CNTN5: variants seen among roughly 807,000 people sequenced by gnomAD.
CNTN5 encodes the protein contactin-5.
In CNTN5, 77 loss-of-function variants were observed where a neutral mutation model predicts 129.1. The ratio of observed to expected loss-of-function variants is 0.60; its 90% CI spans 0.50 to 0.72. The LOEUF is 0.72. Among genes scored for constraint, CNTN5 ranks in the 30% least tolerant of loss-of-function variants. The pLI is 0.00. For missense variants in CNTN5, 1,478 were observed against 1,328.8 expected (o/e 1.11, Z -1.75); for synonymous variants, 509 against 465.6 (o/e 1.09, Z -1.20).
chr11:99,766,787 C>A (rs141529870), intron 3 of CNTN5, among the ~76,000 whole-genome samples: 12 of 151,934 alleles, frequency 7.9e-5, no homozygotes, highest in African/African-American at 2.9e-4. Flanking sequence ...TAAAAACTTG[C>A]ATTTGTTAAT....
intron 3 of CNTN5, among the ~76,000 whole-genome samples, chr11:99,731,413 ACT>A (rs1943529990): frequency 6.6e-6 from 1 of 151,968 alleles, no homozygotes; most frequent in Non-Finnish European, 1.5e-5. Context: ...TCTTTAGTTA[ACT>A]CTCTTTGTCA....
At chr11:99,297,786 A>G (rs1480534739) in intron 1 of CNTN5, among the ~76,000 whole-genome samples, 1 of 152,170 alleles carries the variant, frequency 6.6e-6, no homozygotes, top group African/African-American at 2.4e-5. Context: ...AAGGGGTAAA[A>G]CACAAAAATC....
At chr11:99,749,392 G>A (rs1387322864) in intron 3 of CNTN5, among the ~76,000 whole-genome samples, 1 of 152,150 alleles carries the variant, frequency 6.6e-6, no homozygotes, top group Non-Finnish European at 1.5e-5. Flanking sequence ...AAGGATCCTT[G>A]TAAAGATTAA....
At chr11:99,460,682 C>T (rs1393872453) in intron 2 of CNTN5, among the ~76,000 whole-genome samples, 4 of 151,710 alleles carry the variant, frequency 2.6e-5, no homozygotes, top group East Asian at 1.9e-4. Context: ...AAAAACTTTA[C>T]GAATATAAGA....
intron 10 of CNTN5, among the ~76,000 whole-genome samples, chr11:100,068,070 T>C (rs1471261889): frequency 6.6e-6 from 1 of 152,126 alleles, no homozygotes; most frequent in Non-Finnish European, 1.5e-5. Context: ...TTTGAAGTTA[T>C]TTTAAAGGCT....
chr11:99,329,487 C>T (rs559990919), intron 2 of CNTN5, among the ~76,000 whole-genome samples: 7 of 152,112 alleles, frequency 4.6e-5, no homozygotes, highest in Non-Finnish European at 7.4e-5. Context: ...AGAAATGGAA[C>T]TCTTAGTCTG....
intron 1 of CNTN5, among the ~76,000 whole-genome samples, chr11:99,106,856 A>C (rs1867021848): frequency 6.6e-6 from 1 of 152,112 alleles, no homozygotes; most frequent in Non-Finnish European, 1.5e-5. Flanking sequence ...TGTCCGCTAA[A>C]AGGTATTATT....
intron 6 of CNTN5, among the ~76,000 whole-genome samples, chr11:99,861,651 T>C (rs2135770166): frequency 6.6e-6 from 1 of 152,304 alleles, no homozygotes; most frequent in South Asian, 2.1e-4. Flanking sequence ...ATAAATATTA[T>C]CAGGTCATAC....
At chr11:99,245,455 A>T (rs964432903) in intron 1 of CNTN5, among the ~76,000 whole-genome samples, 1 of 152,100 alleles carries the variant, frequency 6.6e-6, no homozygotes, top group Non-Finnish European at 1.5e-5. Context: ...AGTAACAGGG[A>T]TTACAAGCAC....
At chr11:99,470,473 A>T (rs1490456939) in intron 2 of CNTN5, among the ~76,000 whole-genome samples, 1 of 152,196 alleles carries the variant, frequency 6.6e-6, no homozygotes, top group Non-Finnish European at 1.5e-5. Flanking sequence ...ATGAAGTGAG[A>T]GAATAAAAAT....
At chr11:100,231,643 T>C (rs1591417322) in intron 16 of CNTN5, among the ~76,000 whole-genome samples, 1 of 152,314 alleles carries the variant, frequency 6.6e-6, no homozygotes, top group South Asian at 2.1e-4. Flanking sequence ...TAATAGAGAA[T>C]GATCATGCAA....
intron 13 of CNTN5, among the ~76,000 whole-genome samples, chr11:100,144,274 T>C (rs907729350): frequency 5.9e-5 from 9 of 152,174 alleles, no homozygotes; most frequent in Non-Finnish European, 1.2e-4. Flanking sequence ...GTTATGTAGA[T>C]TTATTGTATA....
chr11:100,194,826 CT>C (rs1314799018), intron 15 of CNTN5, among the ~76,000 whole-genome samples: 2 of 150,590 alleles, frequency 1.3e-5, no homozygotes, highest in African/African-American at 4.8e-5. Context: ...GATGAGCTCT[CT>C]TTGTTGCATT....
chr11:99,751,696 A>C (rs2135221810), intron 3 of CNTN5, among the ~76,000 whole-genome samples: 1 of 152,260 alleles, frequency 6.6e-6, no homozygotes, highest in Admixed American at 6.5e-5. Context: ...TTACTGGTGT[A>C]AATATTTTTG....
chr11:99,862,464 T>C (rs1440982762), intron 6 of CNTN5, among the ~76,000 whole-genome samples: 4 of 152,126 alleles, frequency 2.6e-5, no homozygotes, highest in Admixed American at 6.5e-5. Flanking sequence ...ATGTGGACTT[T>C]GTAGGCCTGT....
chr11:99,380,454 A>G (rs1174098931), intron 2 of CNTN5, among the ~76,000 whole-genome samples: 2 of 152,164 alleles, frequency 1.3e-5, no homozygotes, highest in Non-Finnish European at 2.9e-5. Flanking sequence ...AAACAAGAAC[A>G]TTTGTCAGAT....
Position 99,190,071 on chromosome 11 carries a change from T to A in CNTN5, c.-209-135275T>A, listed in dbSNP as rs1442790256. ...TTGAATTTTAACTTATTTGAGTTGA[T>A]TTTTGTATGTAGTATTAGATACTGA... On this transcript the variant is annotated intron_variant, in intron 1 of 24. Transcript: ENST00000524871. Among the ~76,000 whole-genome samples, 487 of 151,806 alleles carry A rather than the reference T, an allele frequency of 3.2e-3. 3 individuals carry two copies. Among genetic ancestry groups the A allele is most frequent in the African/African-American group, 0.012 (479 of 41,514 alleles).
At chr11:100,346,753 T>C (rs1418716817) in intron 23 of CNTN5, among the ~76,000 whole-genome samples, 2 of 152,116 alleles carry the variant, frequency 1.3e-5, no homozygotes, top group African/African-American at 2.4e-5. Flanking sequence ...TTACTAGTTA[T>C]TATACAGTCC....
At chr11:99,463,146 A>AATAAATAAATAAAT (rs1565203229) in intron 2 of CNTN5, among the ~76,000 whole-genome samples, 1 of 149,920 alleles carries the variant, frequency 6.7e-6, no homozygotes, top group Non-Finnish European at 1.5e-5. Context: ...TAAATAAATA[A>AATAAATAAATAAAT]AAGTAAAAAA....
Sources: allele counts gnomAD v4.1 joint callset (sites outside exome capture counted in the v4.1 genomes callset), GRCh38; gene constraint gnomAD v4.1.1; transcripts MANE v1.5; gene names NCBI Gene and HGNC (gene_info 2026-07-23, HGNC 2026-07-21).